The following GALNT9 variants were observed in gnomAD, a reference collection of about 807,000 sequenced individuals.
The protein encoded by GALNT9 is polypeptide N-acetylgalactosaminyltransferase 9.
Under a neutral mutation model 63.1 loss-of-function variants are expected in GALNT9, and 47 were observed. The observed-to-expected ratio is 0.75, with a 90% CI of 0.59 to 0.95. The LOEUF (loss-of-function observed/expected upper bound fraction) is 0.95. Among genes scored for constraint, GALNT9 ranks in the 40% least tolerant of loss-of-function variants. The probability of loss-of-function intolerance (pLI) is 0.00; values close to 1 mark genes in which losing one functional copy is unlikely to be tolerated. For synonymous variants in GALNT9, 396 were observed against 365.7 expected (o/e 1.08, Z -0.94); for missense variants, 829 against 874.8 (o/e 0.95, Z 0.66).
intron 2 of GALNT9, chr12:132,275,363 G>A (rs1214428581): frequency 3.9e-5 from 6 of 152,436 alleles, no homozygotes; most frequent in African/African-American, 1.4e-4. Flanking sequence ...TCAGAGCCAG[G>A]AGAGGTTGGC....
chr12:132,262,425 C>T (rs782216703), intron 3 of GALNT9, 34 bp downstream of exon 3: 24 of 1,529,934 alleles, frequency 1.6e-5, no homozygotes, highest in East Asian at 7.4e-5. Flanking sequence ...GGCAGCCGCC[C>T]GGCGAGCACC....
At chr12:132,201,452 G>A (rs1273213263) in intron 7 of GALNT9, among the ~76,000 whole-genome samples, 191 bp from the exon 8 acceptor site, 1 of 152,154 alleles carries the variant, frequency 6.6e-6, no homozygotes, top group Non-Finnish European at 1.5e-5. Flanking sequence ...GTCTGAGGCA[G>A]CTGCTCCTGA....
At chr12:132,312,456 C>T (rs1329251489) in intron 1 of GALNT9, among the ~76,000 whole-genome samples, 3 of 152,222 alleles carry the variant, frequency 2.0e-5, no homozygotes, top group Admixed American at 1.3e-4. Flanking sequence ...TGTCCCATCA[C>T]CTTGGTGGCC....
intron 1 of GALNT9, among the ~76,000 whole-genome samples, chr12:132,303,081 C>A (rs1213708230): frequency 6.6e-6 from 1 of 151,972 alleles, no homozygotes; most frequent in Non-Finnish European, 1.5e-5. Context: ...CTGTCTGTCT[C>A]TCTCTCGGGA....
chr12:132,207,973 G>C (rs1001389216), intron 6 of GALNT9, among the ~76,000 whole-genome samples: 1 of 152,146 alleles, frequency 6.6e-6, no homozygotes, highest in Non-Finnish European at 1.5e-5. Flanking sequence ...ACCCGGGGCA[G>C]GTCTCTTTTC....
intron 1 of GALNT9, among the ~76,000 whole-genome samples, chr12:132,323,267 C>T (rs1555246278): frequency 6.6e-6 from 1 of 152,254 alleles, no homozygotes; most frequent in African/African-American, 2.4e-5. Context: ...AATGCAAACA[C>T]TCAGCCCAGC....
rs539886634 is a variant in GALNT9 at position 132,268,788 on chromosome 12, C to A, written c.420-6163G>T. ...ATCAAGCACGTGCGCAGGTGCCCCC[C>A]TCGGCGGCCATCAGGGAGCTGCCAC... On this transcript the variant is annotated intron_variant, in intron 2 of 10. Coordinates refer to ENST00000328957, the MANE Select transcript of GALNT9 (RefSeq NM_001122636.2). 2.6e-5 allele frequency among the ~76,000 whole-genome samples: 4 copies of A among 152,320 alleles called. No individual in the cohort carries two copies. In the East Asian group the frequency reaches 7.8e-4, roughly 30 times the overall value.
chr12:132,223,040 C>G (rs1417240358), intron 6 of GALNT9, among the ~76,000 whole-genome samples: 1 of 24,786 alleles, frequency 4.0e-5, no homozygotes, highest in African/African-American at 1.3e-4. Flanking sequence ...GTACCCCACA[C>G]ACACAGACAC....
At chr12:132,210,048 G>A (rs1487793792) in intron 6 of GALNT9, among the ~76,000 whole-genome samples, 1 of 152,190 alleles carries the variant, frequency 6.6e-6, no homozygotes, top group Non-Finnish European at 1.5e-5. Flanking sequence ...CTGGTCACAC[G>A]AGGAAGACAC....
In GALNT9 at chr12:132,261,027, C is replaced by A. The variant is rs566940862; in HGVS notation, c.682G>T (p.Ala228Ser). 9 of 1,550,984 alleles carry A rather than the reference C, an allele frequency of 5.8e-6. No homozygotes were observed. Among genetic ancestry groups the A allele is most frequent in the Non-Finnish European group, 7.0e-6 (8 of 1,146,904 alleles). Residue 228 changes from alanine (A) to serine (S), a missense_variant, in exon 4 of 11, where the codon GCG becomes TCG. Coordinates refer to ENST00000328957, the MANE Select transcript of GALNT9 (RefSeq NM_001122636.2). ...RNSRREGLIR[A>S]RLQGWKAATA... The stretch of plus-strand genomic sequence containing the variant: ...GCCGCCTTCCAGCCCTGCAGCCGCG[C>A]GCGGATCAGTCCTTCCCGCCGGCTG...
At position 132,291,459 on chromosome 12, in the gene GALNT9, A is replaced by G. The variant is rs879982451; in HGVS notation, c.239-5029T>C. Among the ~76,000 whole-genome samples, 121 of 108,544 alleles carry G rather than the reference A, an allele frequency of 1.1e-3. 3 individuals are homozygous for G. Among genetic ancestry groups the G allele is most frequent in the South Asian group, 4.5e-3 (13 of 2,874 alleles). The allele number at this position is 108,544 out of a possible 152,430, so 71.2% of individuals were successfully genotyped here. On this transcript the variant is annotated intron_variant, in intron 1 of 10. Transcript: ENST00000328957. ...CAGCGCCCACGTCCACATCACCCACATCCACAGCACCCACGTCCACAGCAC... is the reference window on the plus strand; with the variant it reads ...CAGCGCCCACGTCCACATCACCCACGTCCACAGCACCCACGTCCACAGCAC...
At chr12:132,250,787 C>T (rs1166959868) in intron 5 of GALNT9, among the ~76,000 whole-genome samples, 1 of 139,992 alleles carries the variant, frequency 7.1e-6, no homozygotes, top group Non-Finnish European at 1.5e-5. Flanking sequence ...GGGATTCCGT[C>T]TCAAACGACA....
intron 7 of GALNT9, among the ~76,000 whole-genome samples, chr12:132,202,985 C>G (rs543174377): frequency 2.6e-5 from 4 of 152,152 alleles, no homozygotes; most frequent in African/African-American, 4.8e-5. Context: ...TGGATCCACA[C>G]GAGGGGCCCT....
rs1329546993 is a variant in GALNT9, at chr12:132,282,420, TGC to T, written c.419+3828_419+3829del. Among the ~76,000 whole-genome samples, 4 of 151,130 alleles carry T rather than the reference TGC, an allele frequency of 2.6e-5. No homozygotes were observed. The highest frequency in any genetic ancestry group is 7.3e-5 in the African/African-American group (3 of 41,166). ...GTGTGTGCGCGTGTGTGCGTGTGTGTGCGTGTGTGCGTGCATGCGTGTGTGTG... is the reference window on the plus strand; with the variant it reads ...GTGTGTGCGCGTGTGTGCGTGTGTGTGTGTGTGCGTGCATGCGTGTGTGTG... On this transcript the variant is annotated intron_variant, in intron 2 of 10. Coordinates refer to ENST00000328957, the MANE Select transcript of GALNT9 (RefSeq NM_001122636.2). This position sits in a 1 kb window ranked among gnomAD's most constrained non-coding sequence, Gnocchi z 4.5.
intron 6 of GALNT9, among the ~76,000 whole-genome samples, chr12:132,243,494 G>C (rs1302811996): frequency 6.6e-6 from 1 of 150,964 alleles, no homozygotes; most frequent in Non-Finnish European, 1.5e-5. Context: ...TCCACTCTTT[G>C]GGGAAACGAA....
At chr12:132,201,292 A>G (rs10794457) in intron 7 of GALNT9, 31 bp from the exon 8 acceptor site, 1,275,689 of 1,555,270 alleles carry the variant, frequency 0.82, 524,372 homozygotes, top group Non-Finnish European at 0.83. Flanking sequence ...GAGAGGGTAC[A>G]TGGGTGTCAC....
At chr12:132,198,039 C>A in intron 9 of GALNT9, 80 bp from the exon 10 acceptor site, 1 of 1,208,518 alleles carries the variant, frequency 8.3e-7, no homozygotes, top group Non-Finnish European at 1.2e-6. Context: ...GTGCGAGCTG[C>A]CTTGAGCTGC....
intron 1 of GALNT9, among the ~76,000 whole-genome samples, chr12:132,318,636 G>A (rs886256306): frequency 6.6e-6 from 1 of 152,330 alleles, no homozygotes; most frequent in Middle Eastern, 3.4e-3. Context: ...GTGGATCCTG[G>A]GATGTGCACC....
chr12:132,225,671 CCACACACTGTACGTACACACCCCATA>C (rs1201380702), intron 6 of GALNT9, among the ~76,000 whole-genome samples: 40 of 141,790 alleles, frequency 2.8e-4, no homozygotes, highest in Admixed American at 1.6e-3. Flanking sequence ...CACACACACT[CCACACACTGTACGTACACACCCCATA>C]CACACACTGT....
Sources: allele counts gnomAD v4.1 joint callset (sites outside exome capture counted in the v4.1 genomes callset), GRCh38; gene constraint gnomAD v4.1.1; non-coding constraint Gnocchi (gnomAD v3.1); transcripts MANE v1.5; gene names NCBI Gene and HGNC (gene_info 2026-07-23, HGNC 2026-07-21).